MEGF8: variants seen among roughly 807,000 people sequenced by gnomAD.
The protein encoded by MEGF8 is multiple EGF like domains 8, also known as multiple epidermal growth factor-like domains protein 8.
In MEGF8, 156 loss-of-function variants were observed where a neutral mutation model predicts 302.9. The observed-to-expected ratio is 0.52, with a 90% CI of 0.45 to 0.59. The LOEUF (loss-of-function observed/expected upper bound fraction) is 0.59. Ranked by LOEUF, MEGF8 falls within the 20% of genes least tolerant of loss-of-function variation. The pLI, the probability that MEGF8 is intolerant of heterozygous loss-of-function variation, is 0.00. For missense variants in MEGF8, 3,345 were observed against 3,964.5 expected (o/e 0.84, Z 4.20); for synonymous variants, 1,621 against 1,660.5 (o/e 0.98, Z 0.58).
At chr19:42,361,117 A>G in intron 32 of MEGF8, 111 bp downstream of exon 32, 1 of 1,186,408 alleles carries the variant, frequency 8.4e-7, no homozygotes, top group Non-Finnish European at 1.1e-6. Flanking sequence ...GGTTCAGGAA[A>G]GGGGTGAATC....
At position 42,353,420 on chromosome 19, in the gene MEGF8, T is replaced by C. The variant is rs921645919; in HGVS notation, c.3551-45T>C. 2.5e-6 allele frequency: 4 copies of C among 1,589,724 alleles called. No individual in the cohort carries two copies. The highest frequency in any genetic ancestry group is 3.4e-6 in the Non-Finnish European group (4 of 1,169,032). On this transcript the variant is annotated intron_variant, in intron 20 of 41. Coordinates refer to ENST00000251268, the MANE Select transcript of MEGF8 (RefSeq NM_001271938.2). This position sits in a 1 kb window ranked among gnomAD's most constrained non-coding sequence, Gnocchi z 6.1. ...CTGAGCCAGTAGGCCTGGGCCTGTT[T>C]CCACCCTTGACTTGACTCTGTCCCA...
intron 8 of MEGF8, among the ~76,000 whole-genome samples, chr19:42,342,561 C>T (rs936922651): frequency 2.0e-5 from 3 of 151,586 alleles, no homozygotes; most frequent in African/African-American, 7.3e-5. Flanking sequence ...GGTGTGAACC[C>T]GGGAGACAGA....
Position 42,352,656 on chromosome 19 carries a change from C to A in MEGF8, c.3350+200C>A. 1 of 720,966 alleles carries A rather than the reference C, an allele frequency of 1.4e-6. No homozygotes were observed. The highest frequency in any genetic ancestry group is 2.2e-6 in the Non-Finnish European group (1 of 448,336). The allele number at this position is 720,966 out of a possible 1,614,324, so 44.7% of individuals were successfully genotyped here. ...AACCCTGGTTACCATGGAAATGGGGCACCCATAGGCTGTGGGCCATAGTCT... is the reference window on the plus strand; with the variant it reads ...AACCCTGGTTACCATGGAAATGGGGAACCCATAGGCTGTGGGCCATAGTCT... On this transcript the variant is annotated intron_variant, in intron 19 of 41. Coordinates refer to ENST00000251268, the MANE Select transcript of MEGF8 (RefSeq NM_001271938.2). The surrounding 1 kb of genome is among the most constrained non-coding windows in gnomAD (Gnocchi z 4.4).
At chr19:42,342,690 G>A (rs1358232078) in intron 8 of MEGF8, among the ~76,000 whole-genome samples, 3 of 151,920 alleles carry the variant, frequency 2.0e-5, no homozygotes, top group South Asian at 2.1e-4. Context: ...TGTAGGGGCT[G>A]TCTTCAGGCT....
In MEGF8 at chr19:42,352,831, GT is replaced by G; in HGVS notation, c.3351-96del. On this transcript the variant is annotated intron_variant, in intron 19 of 41. Coordinates refer to ENST00000251268, the MANE Select transcript of MEGF8 (RefSeq NM_001271938.2). This position sits in a 1 kb window ranked among gnomAD's most constrained non-coding sequence, Gnocchi z 4.4. ...TAGCCCAAAACCATGGAAACAGCCA[GT>G]GGCTTTGATGGTGTCATGGTGGGTG... 1.1e-6 allele frequency: 1 copy of G among 933,682 alleles called. No individual in the cohort carries two copies. Among genetic ancestry groups the G allele is most frequent in the Non-Finnish European group, 1.6e-6 (1 of 610,502 alleles). 57.8% of individuals were successfully genotyped at this position (933,682 alleles called of 1,614,324 possible).
rs111805163 is a variant in MEGF8, at chr19:42,360,150, C to CAA, written c.5489-609_5489-608dup. Among the ~76,000 whole-genome samples, 309 of 88,944 alleles carry CAA rather than the reference C, an allele frequency of 3.5e-3. 2 individuals are homozygous for CAA. Among genetic ancestry groups the CAA allele is most frequent in the African/African-American group, 0.011 (290 of 26,014 alleles). The allele number at this position is 88,944 out of a possible 152,430, so 58.4% of individuals were successfully genotyped here. A position where few individuals can be genotyped will look rare whatever the true frequency, so the allele number is the denominator to read the frequency against. On this transcript the variant is annotated intron_variant, in intron 31 of 41. Coordinates refer to ENST00000251268, the MANE Select transcript of MEGF8 (RefSeq NM_001271938.2). ...TGGGTGACAGAGCAAGACTCTTTCT[C>CAA]AAAAAAAAAAAAAAAAAGCATTGGC...
chr19:42,373,811 C>T (rs12981206), intron 41 of MEGF8, among the ~76,000 whole-genome samples: 3 of 147,378 alleles, frequency 2.0e-5, no homozygotes, highest in East Asian at 2.1e-4. Context: ...CTCCTGAGCT[C>T]AAGTGATCCT....
At chr19:42,350,450 A>G (rs888185317) in intron 15 of MEGF8, 66 bp downstream of exon 15, 8 of 1,379,702 alleles carry the variant, frequency 5.8e-6, no homozygotes, top group Non-Finnish European at 7.7e-6. Flanking sequence ...TGGGCAGTCA[A>G]GGGAACCCCT....
At position 42,357,809 on chromosome 19, in the gene MEGF8, C is replaced by T. The variant is rs760067284; in HGVS notation, c.5011+225C>T. On this transcript the variant is annotated intron_variant, in intron 28 of 41. Transcript: ENST00000251268. This position sits in a 1 kb window ranked among gnomAD's most constrained non-coding sequence, Gnocchi z 5.2. ...TCCCGGCCACATGTGGCCACCGTCC[C>T]CTGCCCCCAGGGTCTGAGCTCCCTG... Among the ~76,000 whole-genome samples the T allele has an allele frequency of 1.7e-4, 26 of 152,190 alleles. No homozygotes were observed. The highest frequency in any genetic ancestry group is 1.3e-4 in the Admixed American group (2 of 15,290).
In MEGF8 at chr19:42,337,098, A is replaced by G. The variant is rs762337124; in HGVS notation, c.1405A>G (p.Thr469Ala). 1 of 1,613,860 alleles carries G rather than the reference A, an allele frequency of 6.2e-7. No homozygotes were observed. Among genetic ancestry groups the G allele is most frequent in the Non-Finnish European group, 8.5e-7 (1 of 1,179,854 alleles). Residue 469 changes from threonine to alanine, a missense_variant, in exon 8 of 42, where the codon ACC becomes GCC. By Grantham distance (58) the Thr-to-Ala change is moderately conservative (BLOSUM62 0). Transcript: ENST00000251268. ...TCCATTCCCAGGGGGCAATGTGCAC[A>G]CCCATTACCAGGAGGAAAAGTGCTA... ...YMVVYGGNVH[T>A]HYQEEKCYED...
Position 42,369,095 on chromosome 19 carries a change from G to T in MEGF8, c.6641+93G>T, listed in dbSNP as rs1215831948. 1 of 1,484,290 alleles carries T rather than the reference G, an allele frequency of 6.7e-7. No homozygotes were observed. The highest frequency in any genetic ancestry group is 1.4e-5 in the African/African-American group (1 of 71,536). 91.9% of individuals were successfully genotyped at this position (1,484,290 alleles called of 1,614,324 possible). ...ATGAGGCCTAGAGCCAAGCAGGACA[G>T]AAGAAAAGAAAGCTCGAGGCATGAA... On this transcript the variant is annotated intron_variant, in intron 37 of 41. Coordinates refer to ENST00000251268, the MANE Select transcript of MEGF8 (RefSeq NM_001271938.2). The surrounding 1 kb of genome is among the most constrained non-coding windows in gnomAD (Gnocchi z 5.7).
At chr19:42,374,340 G>A (rs941915030) in intron 41 of MEGF8, among the ~76,000 whole-genome samples, 18 of 151,770 alleles carry the variant, frequency 1.2e-4, no homozygotes, top group Admixed American at 4.6e-4. Context: ...GTGTGGTGGC[G>A]GACACCTGTA....
At position 42,369,752 on chromosome 19, in the gene MEGF8, A is replaced by G. The variant is rs973457327; in HGVS notation, c.6834+29A>G. 5 of 1,565,246 alleles carry G rather than the reference A, an allele frequency of 3.2e-6. No homozygotes were observed. In the African/African-American group the frequency reaches 6.8e-5, roughly 21 times the overall value. ...GGCCGCCCGGAGCCTCAGACCCCCG[A>G]CCCTGGGACCCAGGCCCTCACTTGC... On this transcript the variant is annotated intron_variant, in intron 38 of 41. Transcript: ENST00000251268. The surrounding 1 kb of genome is among the most constrained non-coding windows in gnomAD (Gnocchi z 5.7).
chr19:42,358,444 C>T lies in MEGF8; in HGVS notation c.5175+137C>T, dbSNP rs1373102793. 3.5e-6 allele frequency: 4 copies of T among 1,132,818 alleles called. No homozygotes were observed. Among genetic ancestry groups the T allele is most frequent in the Admixed American group, 6.2e-5 (2 of 32,410 alleles). The allele number at this position is 1,132,818 out of a possible 1,614,324, so 70.2% of individuals were successfully genotyped here. On this transcript the variant is annotated intron_variant, in intron 29 of 41. Transcript: ENST00000251268. This position sits in a 1 kb window ranked among gnomAD's most constrained non-coding sequence, Gnocchi z 4.4. ...ATGTTCCCTAACTAAGCGACACCCC[C>T]ACATCTCCCCCGCTTCCATCCCTGA...
chr19:42,360,840 C>T lies in MEGF8; in HGVS notation c.5554C>T (p.Arg1852Cys), dbSNP rs751715083. Residue 1852 changes from arginine (R) to cysteine (C), a missense_variant, in exon 32 of 42, where the codon CGC becomes TGC. Coordinates refer to ENST00000251268, the MANE Select transcript of MEGF8 (RefSeq NM_001271938.2). The part of the protein sequence containing the change: ...VAHAVAAVGS[R>C]LYISGGFGGV... ...CCATGCTGTGGCAGCAGTCGGGAGC[C>T]GCCTGTATATCTCTGGGGGTTTCGG... is the stretch of plus-strand genomic sequence containing the variant. The T allele has an allele frequency of 2.2e-5, 36 of 1,611,748 alleles. No individual in the cohort carries two copies. Among genetic ancestry groups the T allele is most frequent in the Middle Eastern group, 1.6e-4 (1 of 6,072 alleles).
intron 3 of MEGF8, 103 bp from the exon 4 acceptor site, chr19:42,334,932 C>A: frequency 8.7e-7 from 1 of 1,143,430 alleles, no homozygotes; most frequent in Non-Finnish European, 1.2e-6. Context: ...CCCTTTGTGC[C>A]CTGTCTGTCT....
rs1414610351 is a variant in MEGF8, at chr19:42,349,755, C to T, written c.2499+56C>T. 9.7e-6 allele frequency: 15 copies of T among 1,551,872 alleles called. No individual in the cohort carries two copies. The Admixed American group carries it at 2.6e-4, about 27-fold the overall frequency. On this transcript the variant is annotated intron_variant, in intron 14 of 41. Coordinates refer to ENST00000251268, the MANE Select transcript of MEGF8 (RefSeq NM_001271938.2). ...GCCGCAGGCCCCAGCCTCAGATCAC[C>T]TGGGCTTTCTGAACCCCAGGCCACA... is the stretch of plus-strand genomic sequence containing the variant.
In MEGF8 at chr19:42,353,841, A is replaced by G. The variant is rs373565478; in HGVS notation, c.3828A>G (p.Ala1276=). 9.3e-6 allele frequency: 15 copies of G among 1,611,158 alleles called. No individual in the cohort carries two copies. Among genetic ancestry groups the G allele is most frequent in the Non-Finnish European group, 8.5e-6 (10 of 1,178,832 alleles). The part of the protein sequence containing the change: ...RALLTNVSSV[A]LGSRRVGGLL... ...TCCTCACCAACGTGTCCTCAGTGGC[A>G]CTGGGCTCACGCCGGGTCGGGGGGC... The change falls in exon 22 of 42, where the codon GCA becomes GCG. Residue 1276 remains alanine, a synonymous_variant. Coordinates refer to ENST00000251268, the MANE Select transcript of MEGF8 (RefSeq NM_001271938.2). The surrounding 1 kb of genome is among the most constrained non-coding windows in gnomAD (Gnocchi z 6.1).
chr19:42,358,108 G>T lies in MEGF8; in HGVS notation c.5012-36G>T. 1 of 1,492,254 alleles carries T rather than the reference G, an allele frequency of 6.7e-7. No individual in the cohort carries two copies. The highest frequency in any genetic ancestry group is 1.4e-5 in the South Asian group (1 of 73,712). The allele number at this position is 1,492,254 out of a possible 1,614,324, so 92.4% of individuals were successfully genotyped here. On this transcript the variant is annotated intron_variant, in intron 28 of 41. Transcript: ENST00000251268. This position sits in a 1 kb window ranked among gnomAD's most constrained non-coding sequence, Gnocchi z 4.4. ...GTCGGCGGGGTCAGTGCTGTTGTCA[G>T]CCCCTCCCCCAGCCTGTCACCCTGC... is the stretch of plus-strand genomic sequence containing the variant.
Sources: gnomAD v4.1 joint callset for allele counts (sites outside exome capture counted in the v4.1 genomes callset) on GRCh38, gnomAD v4.1.1 for gene constraint, Gnocchi (gnomAD v3.1) non-coding constraint, MANE v1.5 for transcripts, NCBI Gene and HGNC (gene_info 2026-07-23, HGNC 2026-07-21) for gene names.